Variants in TMPRSS15 observed in about 807,000 individuals in gnomAD.
The protein encoded by TMPRSS15 is transmembrane serine protease 15, also known as enteropeptidase.
A neutral mutation model predicts 125.3 loss-of-function variants in TMPRSS15; 128 were observed. The ratio of observed to expected loss-of-function variants is 1.02; its 90% confidence interval spans 0.89 to 1.18. The LOEUF is 1.18. TMPRSS15 is among the 50% of genes most tolerant of loss of function. The probability of loss-of-function intolerance (pLI) is 0.00; values close to 1 mark genes in which losing one functional copy is unlikely to be tolerated. For synonymous variants in TMPRSS15, 446 were observed against 423.2 expected, an observed-to-expected ratio of 1.05 and a Z score of -0.66; for missense variants, 1,283 against 1,212.7, an observed-to-expected ratio of 1.06 and a Z score of -0.86.
At chr21:18,394,654 C>G (rs113200859) in intron 3 of TMPRSS15, among the ~76,000 whole-genome samples, 20 of 151,306 alleles carry the variant, frequency 1.3e-4, no homozygotes, top group African/African-American at 4.6e-4. Context: ...ACTGTAGACT[C>G]TACCTCATTT....
intron 19 of TMPRSS15, among the ~76,000 whole-genome samples, chr21:18,296,673 A>T (rs192488570): frequency 1.3e-5 from 2 of 152,316 alleles, no homozygotes; most frequent in Admixed American, 6.5e-5. Context: ...AAAAGAAGAA[A>T]TTCTCAATGT....
chr21:18,340,210 C>G (rs2075433029), intron 13 of TMPRSS15, among the ~76,000 whole-genome samples: 1 of 152,150 alleles, frequency 6.6e-6, no homozygotes, highest in Non-Finnish European at 1.5e-5. Context: ...AATCAGCTGC[C>G]AGCACAGCTA....
intron 1 of TMPRSS15, among the ~76,000 whole-genome samples, chr21:18,467,550 T>G (rs1026220946): frequency 6.6e-5 from 10 of 152,122 alleles, no homozygotes; most frequent in Non-Finnish European, 4.4e-5. Context: ...TTACCTTTGA[T>G]TATTTTGTTA....
At chr21:18,280,575 C>CAAAAAAAA (rs1230513414) in intron 22 of TMPRSS15, among the ~76,000 whole-genome samples, 23 of 48,238 alleles carry the variant, frequency 4.8e-4, no homozygotes, top group South Asian at 6.9e-4. Context: ...GACTCCGTCT[C>CAAAAAAAA]AAAAAAAAAA....
chr21:18,298,672 T>C (rs1490505556), intron 18 of TMPRSS15, among the ~76,000 whole-genome samples: 1 of 152,220 alleles, frequency 6.6e-6, no homozygotes, highest in Non-Finnish European at 1.5e-5. Context: ...AATCATCATA[T>C]AAAAATATGC....
At chr21:18,424,084 T>A (rs988342000) in intron 1 of TMPRSS15, among the ~76,000 whole-genome samples, 5 of 152,210 alleles carry the variant, frequency 3.3e-5, no homozygotes, top group Admixed American at 2.6e-4. Context: ...TTTCACACGG[T>A]CTCAAAAGAA....
chr21:18,397,288 T>C (rs2076049621), intron 3 of TMPRSS15, among the ~76,000 whole-genome samples: 1 of 152,138 alleles, frequency 6.6e-6, no homozygotes, highest in Non-Finnish European at 1.5e-5. Context: ...TCAATTTTTT[T>C]TGTGACAAAT....
chr21:18,441,522 A>G (rs1263570628), intron 1 of TMPRSS15, among the ~76,000 whole-genome samples: 2 of 147,704 alleles, frequency 1.4e-5, no homozygotes, highest in South Asian at 2.1e-4. Context: ...CAGAAGAATC[A>G]CTTGAACCTA....
At chr21:18,417,856 ATC>A (rs1467503635) in intron 1 of TMPRSS15, among the ~76,000 whole-genome samples, 1 of 152,124 alleles carries the variant, frequency 6.6e-6, no homozygotes, top group Non-Finnish European at 1.5e-5. Context: ...TATACACACA[ATC>A]ACACACATAC....
At chr21:18,429,899 C>A (rs1244464810) in intron 1 of TMPRSS15, among the ~76,000 whole-genome samples, 4 of 152,162 alleles carry the variant, frequency 2.6e-5, no homozygotes, top group Non-Finnish European at 4.4e-5. Context: ...ATTTCACATC[C>A]ATTAAGAATT....
intron 17 of TMPRSS15, among the ~76,000 whole-genome samples, chr21:18,313,610 G>A (rs948581490): frequency 3.3e-4 from 50 of 151,814 alleles, no homozygotes; most frequent in African/African-American, 1.0e-3. Flanking sequence ...AACTAAATGT[G>A]CAATGTTCTT....
intron 18 of TMPRSS15, among the ~76,000 whole-genome samples, chr21:18,307,661 A>G (rs373228710): frequency 6.6e-6 from 1 of 152,164 alleles, no homozygotes; most frequent in Admixed American, 6.5e-5. Context: ...ACCCAGGAAT[A>G]ATAATAATAT....
chr21:18,431,783 C>T (rs1051738422), intron 1 of TMPRSS15, among the ~76,000 whole-genome samples: 7 of 151,960 alleles, frequency 4.6e-5, no homozygotes, highest in Non-Finnish European at 1.0e-4. Context: ...TTTATCTATG[C>T]GATCAAAAAT....
intron 15 of TMPRSS15, 120 bp downstream of exon 15, chr21:18,329,049 C>G (rs2075319240): frequency 2.7e-6 from 3 of 1,110,926 alleles, no homozygotes; most frequent in Non-Finnish European, 4.0e-6. Context: ...TGTCACTTTA[C>G]TATTGTATTT....
intron 14 of TMPRSS15, among the ~76,000 whole-genome samples, chr21:18,331,396 A>AC (rs2075344149): frequency 6.6e-6 from 1 of 152,168 alleles, no homozygotes; most frequent in African/African-American, 2.4e-5. Context: ...CTGAAGTGGA[A>AC]CCTTTGTAGG....
At chr21:18,412,023 A>G (rs1050637337) in intron 1 of TMPRSS15, among the ~76,000 whole-genome samples, 5 of 152,164 alleles carry the variant, frequency 3.3e-5, no homozygotes, top group Middle Eastern at 3.2e-3. Context: ...TGAAAAAAAT[A>G]TCAGCATGTT....
chr21:18,430,073 A>G (rs2076213187), intron 1 of TMPRSS15, among the ~76,000 whole-genome samples: 1 of 152,208 alleles, frequency 6.6e-6, no homozygotes, highest in Admixed American at 6.5e-5. Context: ...GTTAGCACTT[A>G]TCACCTTTTC....
chr21:18,364,418 T>A (rs1272756683), intron 7 of TMPRSS15, among the ~76,000 whole-genome samples: 1 of 152,190 alleles, frequency 6.6e-6, no homozygotes, highest in Non-Finnish European at 1.5e-5. Context: ...TTTAAGGCTA[T>A]AAGAAGTCCT....
chr21:18,400,046 A>T (rs1265698416), intron 1 of TMPRSS15, among the ~76,000 whole-genome samples: 4 of 152,188 alleles, frequency 2.6e-5, no homozygotes, highest in African/African-American at 4.8e-5. Context: ...ACCTACAAGG[A>T]TAACTACAAA....
Sources: gnomAD v4.1 joint callset for allele counts (sites outside exome capture counted in the v4.1 genomes callset) on GRCh38, gnomAD v4.1.1 for gene constraint, MANE v1.5 for transcripts, NCBI Gene and HGNC (gene_info 2026-07-23, HGNC 2026-07-21) for gene names.